Variants in SPIDR observed in about 807,000 individuals in gnomAD.
SPIDR encodes scaffold protein involved in DNA repair, also known as DNA repair-scaffolding protein.
In SPIDR, 93 loss-of-function variants were observed where a neutral mutation model predicts 104.6. That is an observed-to-expected ratio of 0.89 (90% CI 0.75 to 1.06). The LOEUF (loss-of-function observed/expected upper bound fraction) is 1.06, where lower values mean the gene tolerates loss of function less well. Ranked by LOEUF, SPIDR falls within the 50% of genes least tolerant of loss-of-function variation. The pLI, the probability that SPIDR is intolerant of heterozygous loss-of-function variation, is 0.00. For synonymous variants in SPIDR, 431 were observed against 416.9 expected (o/e 1.03, Z -0.41); for missense variants, 1,154 against 1,111.2 (o/e 1.04, Z -0.55).
At chr8:47,368,467 A>C in intron 5 of SPIDR, among the ~76,000 whole-genome samples, 1 of 151,392 alleles carries the variant, frequency 6.6e-6, no homozygotes, top group South Asian at 2.1e-4. Context: ...TTCAGTAATT[A>C]GAATTAAAAA....
intron 5 of SPIDR, among the ~76,000 whole-genome samples, chr8:47,300,372 A>C (rs1586588231): frequency 6.6e-6 from 1 of 152,032 alleles, no homozygotes. Context: ...CTAGCAGTCT[A>C]TCAGTTTTGT....
chr8:47,408,102 A>G (rs1211785544), intron 7 of SPIDR, 141 bp downstream of exon 7: 2 of 454,934 alleles, frequency 4.4e-6, no homozygotes, highest in African/African-American at 4.0e-5. Flanking sequence ...ATTTTAACAT[A>G]TAAAAACTAT....
At chr8:47,414,815 T>C (rs1438788405) in intron 7 of SPIDR, among the ~76,000 whole-genome samples, 1 of 152,222 alleles carries the variant, frequency 6.6e-6, no homozygotes, top group African/African-American at 2.4e-5. Flanking sequence ...AGTGAACATA[T>C]GTTTTTATTT....
chr8:47,394,111 T>C (rs2060966849), intron 5 of SPIDR, among the ~76,000 whole-genome samples: 1 of 152,196 alleles, frequency 6.6e-6, no homozygotes, highest in Non-Finnish European at 1.5e-5. Flanking sequence ...TTCGCCATGT[T>C]GGCCAGGCTG....
intron 8 of SPIDR, among the ~76,000 whole-genome samples, chr8:47,563,272 C>A (rs148806915): frequency 2.0e-5 from 3 of 152,108 alleles, no homozygotes; most frequent in Admixed American, 2.0e-4. Context: ...TAGGCTCAAG[C>A]GATCCTCCTG....
chr8:47,284,657 G>A (rs1001200237), intron 3 of SPIDR, among the ~76,000 whole-genome samples: 1 of 152,122 alleles, frequency 6.6e-6, no homozygotes, highest in Non-Finnish European at 1.5e-5. Context: ...CTCATGGTCA[G>A]GAGGTGTTGG....
intron 8 of SPIDR, among the ~76,000 whole-genome samples, chr8:47,558,177 G>A (rs2091543134): frequency 6.6e-6 from 1 of 152,162 alleles, no homozygotes; most frequent in South Asian, 2.1e-4. Context: ...GCAGGGCAAG[G>A]TTGAAAAACT....
chr8:47,512,455 G>T (rs987449262), intron 8 of SPIDR, among the ~76,000 whole-genome samples: 2 of 152,212 alleles, frequency 1.3e-5, no homozygotes, highest in Non-Finnish European at 2.9e-5. Flanking sequence ...AGCCAGCTCT[G>T]TTCCCCCTCT....
In SPIDR at chr8:47,621,778, A is replaced by G. The variant is rs1423536423; in HGVS notation, c.1544+22582A>G. Among the ~76,000 whole-genome samples the G allele has an allele frequency of 2.0e-5, 3 of 152,226 alleles. 1 individual carries two copies. The highest frequency in any genetic ancestry group is 4.4e-5 in the Non-Finnish European group (3 of 68,038). On this transcript the variant is annotated intron_variant, in intron 10 of 19. Coordinates refer to ENST00000297423, the MANE Select transcript of SPIDR (RefSeq NM_001080394.4). ...CACCTGAGGTCAGGAGTTCAATACC[A>G]GTCTGGCCAACATGGTGAAACCCTG... is the stretch of plus-strand genomic sequence containing the variant.
At chr8:47,691,938 A>G (rs982699631) in intron 11 of SPIDR, among the ~76,000 whole-genome samples, 7 of 152,222 alleles carry the variant, frequency 4.6e-5, no homozygotes, top group African/African-American at 1.7e-4. Context: ...CAGTGAAGAT[A>G]GCAGCACTAC....
intron 8 of SPIDR, among the ~76,000 whole-genome samples, chr8:47,526,980 C>A (rs1449659273): frequency 6.6e-6 from 1 of 152,084 alleles, no homozygotes; most frequent in African/African-American, 2.4e-5. Flanking sequence ...AAGAAAACTT[C>A]AATTAATTCA....
intron 10 of SPIDR, among the ~76,000 whole-genome samples, chr8:47,657,907 T>G (rs2073152478): frequency 6.6e-6 from 1 of 151,412 alleles, no homozygotes; most frequent in Non-Finnish European, 1.5e-5. Flanking sequence ...AGCACAGGCC[T>G]TAGTCCCAGC....
intron 6 of SPIDR, among the ~76,000 whole-genome samples, chr8:47,399,389 C>T (rs2061589931): frequency 6.6e-6 from 1 of 152,182 alleles, no homozygotes; most frequent in African/African-American, 2.4e-5. Context: ...AGGCAGAGTC[C>T]CTGCTGTTAC....
chr8:47,315,838 A>T (rs2045237624), intron 5 of SPIDR, among the ~76,000 whole-genome samples: 1 of 152,198 alleles, frequency 6.6e-6, no homozygotes, highest in African/African-American at 2.4e-5. Flanking sequence ...TCCCTACCTC[A>T]CATGGTACCC....
At chr8:47,723,086 T>A (rs773635189) in intron 16 of SPIDR, among the ~76,000 whole-genome samples, 13 of 152,202 alleles carry the variant, frequency 8.5e-5, no homozygotes, top group Non-Finnish European at 1.9e-4. Flanking sequence ...CAGGCTGCTC[T>A]CAAACTCCTG....
intron 5 of SPIDR, among the ~76,000 whole-genome samples, chr8:47,328,826 T>TC (rs1271974987): frequency 7.9e-5 from 12 of 152,154 alleles, no homozygotes; most frequent in Admixed American, 1.3e-4. Flanking sequence ...GGGTTTTTTT[T>TC]CTCAAGTCTT....
intron 5 of SPIDR, 38 bp from the exon 6 acceptor site, chr8:47,396,338 G>T: frequency 6.7e-7 from 1 of 1,490,478 alleles, no homozygotes; most frequent in East Asian, 2.3e-5. Flanking sequence ...AGTATCCTTT[G>T]TATTTAAAAA....
At chr8:47,511,683 G>T in intron 8 of SPIDR, 1 of 884,048 alleles carries the variant, frequency 1.1e-6, no homozygotes, top group Non-Finnish European at 1.9e-6. Flanking sequence ...CAAGGCCATA[G>T]CCATCTCCGG....
chr8:47,331,965 C>CTTTTTTTTTTTTTTTTTTTTTTTTTTT (rs1183447584), intron 5 of SPIDR, among the ~76,000 whole-genome samples: 4 of 32,714 alleles, frequency 1.2e-4, no homozygotes, highest in East Asian at 1.3e-3. Context: ...TTTTTTTAAA[C>CTTTTTTTTTTTTTTTTTTTTTTTTTTT]TTTTTTTTTT....
Sources: gnomAD v4.1 joint callset for allele counts (sites outside exome capture counted in the v4.1 genomes callset) on GRCh38, gnomAD v4.1.1 for gene constraint, MANE v1.5 for transcripts, NCBI Gene and HGNC (gene_info 2026-07-23, HGNC 2026-07-21) for gene names.